Variants in ZNF793 observed in about 807,000 individuals in gnomAD.
The protein encoded by ZNF793 is zinc finger protein 793.
A neutral mutation model predicts 12.4 loss-of-function variants in ZNF793; 5 were observed. That is an observed-to-expected ratio of 0.40 (90% CI 0.21 to 0.84). ZNF793 has a LOEUF of 0.84. Among genes scored for constraint, ZNF793 ranks in the 40% least tolerant of loss-of-function variants. The pLI is 0.35. For missense variants in ZNF793, 456 were observed against 495.0 expected (o/e 0.92, Z 0.75); for synonymous variants, 162 against 172.4 (o/e 0.94, Z 0.47).
In ZNF793 at chr19:37,539,018, C is replaced by T. The variant is rs950212000; in HGVS notation, c.*1139C>T. ...TTATTATACCAGCTACATTTTTCCA[C>T]CTTTTTGTAATACATGTAAATGGCT... On this transcript the variant is annotated 3_prime_UTR_variant, in exon 8 of 8. Transcript: ENST00000627814. 3 of 152,174 alleles carry T rather than the reference C, an allele frequency of 2.0e-5. No individual in the cohort carries two copies. The highest frequency in any genetic ancestry group is 7.2e-5 in the African/African-American group (3 of 41,440). 9.4% of individuals were successfully genotyped at this position (152,174 alleles called of 1,614,324 possible). A position where few individuals can be genotyped will look rare whatever the true frequency, so the allele number is the denominator to read the frequency against.
chr19:37,527,974 C>G (rs1252393948), intron 5 of ZNF793, among the ~76,000 whole-genome samples: 3 of 149,524 alleles, frequency 2.0e-5, no homozygotes. Context: ...AAAAAAAATA[C>G]AAAAATTAGC....
intron 5 of ZNF793, among the ~76,000 whole-genome samples, chr19:37,529,363 G>T (rs189289557): frequency 1.3e-5 from 2 of 151,856 alleles, no homozygotes; most frequent in Non-Finnish European, 2.9e-5. Context: ...TTCCTCTCAC[G>T]TCCCTCCAGG....
intron 2 of ZNF793, among the ~76,000 whole-genome samples, chr19:37,518,058 G>A (rs1357506366): frequency 6.6e-6 from 1 of 152,038 alleles, no homozygotes. Flanking sequence ...GTTATGACTT[G>A]TATTTTCTGC....
Position 37,542,560 on chromosome 19 carries a change from A to G in ZNF793, c.*4681A>G, listed in dbSNP as rs1489595282. On this transcript the variant is annotated 3_prime_UTR_variant, in exon 8 of 8. Coordinates refer to ENST00000627814, the MANE Select transcript of ZNF793 (RefSeq NM_001013659.3). ...TAATGGCAAAAAAACCCCCAAAACC[A>G]AAGCAAACACTAGAATCAAAGTAAA... 1 of 335,964 alleles carries G rather than the reference A, an allele frequency of 3.0e-6. No homozygotes were observed. The highest frequency in any genetic ancestry group is 2.1e-5 in the African/African-American group (1 of 46,514). 20.8% of individuals were successfully genotyped at this position (335,964 alleles called of 1,614,324 possible).
At chr19:37,514,419 G>C (rs558209874) in intron 2 of ZNF793, among the ~76,000 whole-genome samples, 1 of 152,132 alleles carries the variant, frequency 6.6e-6, no homozygotes, top group Non-Finnish European at 1.5e-5. Context: ...ATCTGGGCGT[G>C]GTCTTGTACA....
chr19:37,508,564 G>T (rs1244198002), intron 2 of ZNF793, among the ~76,000 whole-genome samples, 161 bp downstream of exon 2: 1 of 152,094 alleles, frequency 6.6e-6, no homozygotes, highest in South Asian at 2.1e-4. Flanking sequence ...AAATTAGCCG[G>T]GCGTGGTGGC....
chr19:37,520,709 C>T (rs2042368380), intron 3 of ZNF793, among the ~76,000 whole-genome samples: 1 of 152,020 alleles, frequency 6.6e-6, no homozygotes, highest in African/African-American at 2.4e-5. Flanking sequence ...GGGTGTGGCC[C>T]ATCTGCTTCT....
At chr19:37,523,176 CA>C (rs1323078584) in intron 4 of ZNF793, among the ~76,000 whole-genome samples, 2 of 152,120 alleles carry the variant, frequency 1.3e-5, no homozygotes, top group Non-Finnish European at 2.9e-5. Context: ...TGTGCAACAC[CA>C]TACCTGGCTA....
chr19:37,523,377 T>C, intron 4 of ZNF793, 33 bp from the exon 5 acceptor site: 1 of 1,555,624 alleles, frequency 6.4e-7, no homozygotes. Context: ...CTGTTCTCTC[T>C]TTCTCCATCT....
At chr19:37,532,311 A>G (rs765107235) in intron 5 of ZNF793, 45 bp from the exon 6 acceptor site, 1 of 1,588,928 alleles carries the variant, frequency 6.3e-7, no homozygotes, top group Non-Finnish European at 8.6e-7. Flanking sequence ...GCCCTGCACA[A>G]ACATTTTTTT....
At chr19:37,532,015 ATT>A (rs1192826542) in intron 5 of ZNF793, among the ~76,000 whole-genome samples, 108 of 143,726 alleles carry the variant, frequency 7.5e-4, no homozygotes, top group Non-Finnish European at 8.2e-4. Flanking sequence ...CTTGCACAAA[ATT>A]TTTTTTTTTT....
At chr19:37,510,404 A>G (rs1442400633) in intron 2 of ZNF793, among the ~76,000 whole-genome samples, 2 of 150,876 alleles carry the variant, frequency 1.3e-5, no homozygotes, top group Admixed American at 1.3e-4. Flanking sequence ...AATCCCAACT[A>G]CTTGGGAGGC....
Position 37,542,390 on chromosome 19 carries a change from C to T in ZNF793, c.*4511C>T, listed in dbSNP as rs2042557778. On this transcript the variant is annotated 3_prime_UTR_variant, in exon 8 of 8. Coordinates refer to ENST00000627814, the MANE Select transcript of ZNF793 (RefSeq NM_001013659.3). Reference sequence around the variant, plus strand: ...CCTGGGCAACAGAGCAAAAAGATTCCATCTCAAAAGAAAAGAAAAGAAATC... The same window carrying T: ...CCTGGGCAACAGAGCAAAAAGATTCTATCTCAAAAGAAAAGAAAAGAAATC... 8.3e-6 allele frequency: 3 copies of T among 360,766 alleles called. No homozygotes were observed. The highest frequency in any genetic ancestry group is 4.3e-5 in the South Asian group (2 of 46,328). The allele number at this position is 360,766 out of a possible 1,614,324, so 22.3% of individuals were successfully genotyped here. A position where few individuals can be genotyped will look rare whatever the true frequency, so the allele number is the denominator to read the frequency against.
chr19:37,541,764 G>A lies in ZNF793; in HGVS notation c.*3885G>A, dbSNP rs1250011766. 1.3e-5 allele frequency: 2 copies of A among 152,202 alleles called. No individual in the cohort carries two copies. Among genetic ancestry groups the A allele is most frequent in the South Asian group, 2.1e-4 (1 of 4,822 alleles). The allele number at this position is 152,202 out of a possible 1,614,324, so 9.4% of individuals were successfully genotyped here. On this transcript the variant is annotated 3_prime_UTR_variant, in exon 8 of 8. Transcript: ENST00000627814. ...TACAATCTTTTGGGTGACAAAAGATGCCATCAGCAAACTCAAGAGATAATA... is the reference window on the plus strand; with the variant it reads ...TACAATCTTTTGGGTGACAAAAGATACCATCAGCAAACTCAAGAGATAATA...
At position 37,527,108 on chromosome 19, in the gene ZNF793, C is replaced by T. The variant is rs1343478991; in HGVS notation, c.15+3654C>T. Among the ~76,000 whole-genome samples, 6 of 152,162 alleles carry T rather than the reference C, an allele frequency of 3.9e-5. No homozygotes were observed. In the East Asian group the frequency reaches 9.6e-4, roughly 24 times the overall value. ...AATTATAGGCATGCACCATCACGCC[C>T]GGCTAAGTTTTTGTCTTTTTGGTAG... is the stretch of plus-strand genomic sequence containing the variant. On this transcript the variant is annotated intron_variant, in intron 5 of 7. Coordinates refer to ENST00000627814, the MANE Select transcript of ZNF793 (RefSeq NM_001013659.3).
Position 37,541,162 on chromosome 19 carries a change from A to T in ZNF793, c.*3283A>T, listed in dbSNP as rs1295952863. ...AAGGTGAAATCTGAAACCACAGGGG[A>T]AAAGAGTAGTTTACTTAAAAAGAAT... On this transcript the variant is annotated 3_prime_UTR_variant, in exon 8 of 8. Transcript: ENST00000627814. 1 of 145,550 alleles carries T rather than the reference A, an allele frequency of 6.9e-6. No individual in the cohort carries two copies. The highest frequency in any genetic ancestry group is 1.5e-5 in the Non-Finnish European group (1 of 66,814). 9.0% of individuals were successfully genotyped at this position (145,550 alleles called of 1,614,324 possible).
upstream of ZNF793, chr19:37,506,813 G>A (rs1473276208): frequency 6.6e-6 from 1 of 152,248 alleles, no homozygotes; most frequent in Non-Finnish European, 1.5e-5. Flanking sequence ...CCCCAGGTAG[G>A]AGTCAAGTGG....
Position 37,523,303 on chromosome 19 carries a change from G to A in ZNF793, c.-30-107G>A. The A allele has an allele frequency of 5.7e-6, 5 of 880,610 alleles. No homozygotes were observed. The South Asian group carries it at 7.8e-5, about 14-fold the overall frequency. The allele number at this position is 880,610 out of a possible 1,614,324, so 54.5% of individuals were successfully genotyped here. A position where few individuals can be genotyped will look rare whatever the true frequency, so the allele number is the denominator to read the frequency against. Reference sequence around the variant, plus strand: ...CACCCAGCTAAAAGCATGGATTTTTGTACAATATTTACAAAGGGAATTTGC... The same window carrying A: ...CACCCAGCTAAAAGCATGGATTTTTATACAATATTTACAAAGGGAATTTGC... On this transcript the variant is annotated intron_variant, in intron 4 of 7. Coordinates refer to ENST00000627814, the MANE Select transcript of ZNF793 (RefSeq NM_001013659.3).
intron 5 of ZNF793, among the ~76,000 whole-genome samples, chr19:37,530,772 A>G (rs1322025607): frequency 1.3e-5 from 2 of 152,098 alleles, no homozygotes; most frequent in Non-Finnish European, 2.9e-5. Context: ...CCCACAATTT[A>G]TATTAAATTA....
Sources: gnomAD v4.1 joint callset for allele counts (sites outside exome capture counted in the v4.1 genomes callset) on GRCh38, gnomAD v4.1.1 for gene constraint, MANE v1.5 for transcripts, NCBI Gene and HGNC (gene_info 2026-07-23, HGNC 2026-07-21) for gene names.